Variants in CCDC178 observed in about 807,000 individuals in gnomAD.
CCDC178 encodes coiled-coil domain-containing protein 178.
In CCDC178, 126 loss-of-function variants were observed where a neutral mutation model predicts 117.4. The ratio of observed to expected loss-of-function variants is 1.07; its 90% CI spans 0.93 to 1.24. The LOEUF (loss-of-function observed/expected upper bound fraction) is 1.24. Ranked by LOEUF, CCDC178 falls within the 50% of genes most tolerant of loss-of-function variation. CCDC178 has a pLI of 0.00. For missense variants in CCDC178, 1,030 were observed against 986.9 expected (o/e 1.04, Z -0.59); for synonymous variants, 283 against 313.4 (o/e 0.90, Z 1.02).
chr18:33,017,339 C>A (rs988784474), intron 21 of CCDC178, among the ~76,000 whole-genome samples: 5 of 151,764 alleles, frequency 3.3e-5, no homozygotes, highest in African/African-American at 9.7e-5. Flanking sequence ...ATCATTCCAA[C>A]AAAATAGCAT....
intron 20 of CCDC178, among the ~76,000 whole-genome samples, chr18:33,168,193 C>G (rs1171043663): frequency 6.6e-6 from 1 of 152,106 alleles, no homozygotes; most frequent in Non-Finnish European, 1.5e-5. Flanking sequence ...CCTAGGTTAT[C>G]TTCCAGGGTT....
At chr18:33,066,992 A>G (rs937807599) in intron 21 of CCDC178, among the ~76,000 whole-genome samples, 2 of 152,250 alleles carry the variant, frequency 1.3e-5, no homozygotes, top group Non-Finnish European at 2.9e-5. Flanking sequence ...ACTGCAGTTT[A>G]GACCTAATGG....
At chr18:33,081,865 T>C (rs1598862058) in intron 21 of CCDC178, among the ~76,000 whole-genome samples, 1 of 152,202 alleles carries the variant, frequency 6.6e-6, no homozygotes, top group Non-Finnish European at 1.5e-5. Flanking sequence ...GATGGAAAAG[T>C]ACAAGGTTGT....
rs1370397486 is a variant in CCDC178, at chr18:33,323,506, G to GT, written c.1006dup (p.Thr336AsnfsTer13). 7.2e-6 allele frequency: 11 copies of GT among 1,521,176 alleles called. No individual in the cohort carries two copies. Among genetic ancestry groups the GT allele is most frequent in the Non-Finnish European group, 9.7e-6 (11 of 1,137,156 alleles). The allele number at this position is 1,521,176 out of a possible 1,614,324, so 94.2% of individuals were successfully genotyped here. On this transcript the variant is annotated frameshift_variant, in exon 11 of 23. Coordinates refer to ENST00000383096, the MANE Select transcript of CCDC178 (RefSeq NM_001105528.4). LOFTEE classifies it high-confidence loss of function. ...AAATTCTTACTTGTAGGCCTCTATG[G>GT]TTTTTTCATCCTGGTAAATATCCTT...
At chr18:33,099,766 T>C (rs1226174029) in intron 20 of CCDC178, among the ~76,000 whole-genome samples, 4 of 152,008 alleles carry the variant, frequency 2.6e-5, no homozygotes, top group Admixed American at 2.6e-4. Context: ...AAGAATGATA[T>C]GTGTCGATAC....
At position 33,404,620 on chromosome 18, in the gene CCDC178, A is replaced by G. The variant is rs1032074424; in HGVS notation, c.58+7411T>C. Among the ~76,000 whole-genome samples the G allele has an allele frequency of 7.9e-5, 12 of 152,254 alleles. No individual in the cohort carries two copies. In the South Asian group the frequency reaches 1.0e-3, roughly 13 times the overall value. On this transcript the variant is annotated intron_variant, in intron 3 of 22. Transcript: ENST00000383096. The stretch of plus-strand genomic sequence containing the variant: ...TTCCATTCCTAACTATACACCCAAC[A>G]GGAATGAAAACATATGTTTGCATAA...
intron 15 of CCDC178, among the ~76,000 whole-genome samples, chr18:33,240,498 A>T (rs1483905955): frequency 6.6e-6 from 1 of 151,776 alleles, no homozygotes; most frequent in African/African-American, 2.4e-5. Flanking sequence ...AAGAGAGAAG[A>T]CATAAATGAA....
intron 21 of CCDC178, among the ~76,000 whole-genome samples, chr18:33,067,036 T>C (rs1047408750): frequency 1.6e-4 from 25 of 152,334 alleles, no homozygotes; most frequent in Admixed American, 9.1e-4. Flanking sequence ...TTTCATTTGA[T>C]AGCAGCAGAA....
chr18:33,400,809 C>T (rs2063699912), intron 3 of CCDC178, among the ~76,000 whole-genome samples: 1 of 152,152 alleles, frequency 6.6e-6, no homozygotes, highest in African/African-American at 2.4e-5. Flanking sequence ...TTTGCATTCA[C>T]AACTTGGCTA....
chr18:33,333,383 A>T lies in CCDC178; in HGVS notation c.670T>A (p.Tyr224Asn), dbSNP rs2062697737. 2.5e-6 allele frequency: 4 copies of T among 1,591,532 alleles called. No homozygotes were observed. The East Asian group carries it at 9.0e-5, about 36-fold the overall frequency. The change falls in exon 10 of 23, where the codon TAT (tyrosine) becomes AAT (asparagine). Residue 224 changes from tyrosine (Y) to asparagine (N), a missense_variant. By Grantham distance (143) the Tyr-to-Asn change is moderately radical (BLOSUM62 -2). Transcript: ENST00000383096. ...PLAVQKEHEA[Y>N]LSDVIELQWH... is the part of the protein sequence containing the mutation. ...TGTAATTCTATAACATCACTCAAAT[A>T]GGCCTCATGTTCTAGATATAGAAGG...
chr18:32,989,292 C>T (rs1350338143), intron 21 of CCDC178, among the ~76,000 whole-genome samples: 1 of 152,056 alleles, frequency 6.6e-6, no homozygotes, highest in African/African-American at 2.4e-5. Context: ...ATTCTAGGAA[C>T]GCAAGACTTA....
chr18:33,073,504 CATCTATCTATCTATCTATCT>C lies in CCDC178; in HGVS notation c.2388+19237_2388+19256del, dbSNP rs11468119. 7.3e-4 allele frequency among the ~76,000 whole-genome samples: 104 copies of C among 142,112 alleles called. 1 individual carries two copies. Among genetic ancestry groups the C allele is most frequent in the African/African-American group, 1.8e-3 (71 of 38,852 alleles). 93.2% of individuals were successfully genotyped at this position (142,112 alleles called of 152,430 possible). On this transcript the variant is annotated intron_variant, in intron 21 of 22. Coordinates refer to ENST00000383096, the MANE Select transcript of CCDC178 (RefSeq NM_001105528.4). ...TTTTTATAAAGAGTACTATAGTCAGCATCTATCTATCTATCTATCTATCTATCTATCTATCTATCTATCTA... is the reference window on the plus strand; with the variant it reads ...TTTTTATAAAGAGTACTATAGTCAGCATCTATCTATCTATCTATCTATCTA...
intron 20 of CCDC178, among the ~76,000 whole-genome samples, chr18:33,208,290 C>T (rs1285104215): frequency 2.0e-5 from 3 of 152,054 alleles, no homozygotes; most frequent in Non-Finnish European, 4.4e-5. Flanking sequence ...CCCAGGAAAT[C>T]CATTGGTCAG....
At chr18:33,352,048 C>T (rs1018801535) in intron 7 of CCDC178, among the ~76,000 whole-genome samples, 2 of 152,058 alleles carry the variant, frequency 1.3e-5, no homozygotes, top group African/African-American at 4.8e-5. Context: ...GCCATCTGGT[C>T]CTGAGATTTT....
At chr18:33,337,703 C>G (rs1024688443) in intron 9 of CCDC178, among the ~76,000 whole-genome samples, 1 of 152,102 alleles carries the variant, frequency 6.6e-6, no homozygotes, top group Non-Finnish European at 1.5e-5. Context: ...ATTGGCAAGC[C>G]ACATGTAGAA....
intron 11 of CCDC178, among the ~76,000 whole-genome samples, chr18:33,299,380 GA>G (rs926948019): frequency 6.6e-6 from 1 of 151,984 alleles, no homozygotes; most frequent in Non-Finnish European, 1.5e-5. Flanking sequence ...AAATGGTTCT[GA>G]AAAACCTGAT....
In CCDC178 at chr18:33,372,561, C is replaced by T. The variant is rs148839170; in HGVS notation, c.209-2372G>A. ...GTGTGAGTATATTAAGAATTAAGCTCGGCGAGACTTTCATCCTCTCTAAAC... is the reference window on the plus strand; with the variant it reads ...GTGTGAGTATATTAAGAATTAAGCTTGGCGAGACTTTCATCCTCTCTAAAC... On this transcript the variant is annotated intron_variant, in intron 5 of 22. Coordinates refer to ENST00000383096, the MANE Select transcript of CCDC178 (RefSeq NM_001105528.4). 1.9e-4 allele frequency among the ~76,000 whole-genome samples: 29 copies of T among 152,184 alleles called. 1 individual carries two copies. The highest frequency in any genetic ancestry group is 6.0e-4 in the African/African-American group (25 of 41,554).
chr18:33,102,500 C>T (rs949375889), intron 20 of CCDC178, among the ~76,000 whole-genome samples: 1 of 150,930 alleles, frequency 6.6e-6, no homozygotes, highest in African/African-American at 2.4e-5. Flanking sequence ...GCTATTGCCA[C>T]AGATGTGCCA....
intron 5 of CCDC178, among the ~76,000 whole-genome samples, chr18:33,381,398 A>G (rs2063437460): frequency 6.6e-6 from 1 of 152,152 alleles, no homozygotes; most frequent in Non-Finnish European, 1.5e-5. Context: ...TATATATATA[A>G]CCAGAGACCG....
Sources: allele counts gnomAD v4.1 joint callset (sites outside exome capture counted in the v4.1 genomes callset), GRCh38; gene constraint gnomAD v4.1.1; transcripts MANE v1.5; gene names NCBI Gene and HGNC (gene_info 2026-07-23, HGNC 2026-07-21).